The following SETD5 variants were observed in gnomAD, a reference collection of about 807,000 sequenced individuals.
The protein encoded by SETD5 is SET domain containing 5, also known as histone-lysine N-methyltransferase SETD5.
SETD5 carries 44 observed loss-of-function variants against 153.3 expected under a neutral mutation model. That is an observed-to-expected ratio of 0.29 (90% CI 0.23 to 0.37). SETD5 has a LOEUF of 0.37. SETD5 is among the 10% of genes least tolerant of loss of function. SETD5 has a pLI of 1.00. For missense variants in SETD5, 1,544 were observed against 1,768.0 expected, an observed-to-expected ratio of 0.87 and a Z score of 2.27; for synonymous variants, 716 against 645.2, an observed-to-expected ratio of 1.11 and a Z score of -1.66.
rs371515878 is a variant in SETD5 at position 9,434,369 on chromosome 3, G to A, written c.213G>A (p.Pro71=). The change falls in exon 5 of 23, where the codon CCG becomes CCA. Residue 71 remains proline, a synonymous_variant. Transcript: ENST00000402198. This position sits in a 1 kb window ranked among gnomAD's most constrained non-coding sequence, Gnocchi z 5.6. ...CTCGTTCTGACCTGAATGGCCTGCC[G>A]TCGCCTGTAGAGGAACGCTGTGGAG... The part of the protein sequence containing the change: ...IIPRSDLNGL[P]SPVEERCGDS... 1.6e-4 allele frequency: 263 copies of A among 1,613,742 alleles called. No individual in the cohort carries two copies. Among genetic ancestry groups the A allele is most frequent in the Middle Eastern group, 8.2e-4 (5 of 6,084 alleles).
Position 9,434,103 on chromosome 3 carries a change from CATT to C in SETD5, c.177+154_177+156del, listed in dbSNP as rs1450029656. The C allele has an allele frequency of 6.4e-7, 1 of 1,559,938 alleles. No homozygotes were observed. Among genetic ancestry groups the C allele is most frequent in the Non-Finnish European group, 8.7e-7 (1 of 1,154,552 alleles). ...CTCCAGCGGACGTCTAGCCCTGCAT[CATT>C]GTTCTTGTTTTTATGTCCCAGTTGA... On this transcript the variant is annotated intron_variant, in intron 4 of 22. Transcript: ENST00000402198. The surrounding 1 kb of genome is among the most constrained non-coding windows in gnomAD (Gnocchi z 5.6).
rs1156606234 is a variant in SETD5, at chr3:9,430,114, C to T, written c.71+1105C>T. 3.9e-6 allele frequency: 4 copies of T among 1,026,324 alleles called. No homozygotes were observed. The African/African-American group carries it at 6.9e-5, about 18-fold the overall frequency. The allele number at this position is 1,026,324 out of a possible 1,614,324, so 63.6% of individuals were successfully genotyped here. ...TTTCACAGTCCCTGGGGATTCTTCC[C>T]CCTTCAGCAAAGCAAAGCAACTGTA... On this transcript the variant is annotated intron_variant, in intron 3 of 22. Coordinates refer to ENST00000402198, the MANE Select transcript of SETD5 (RefSeq NM_001080517.3).
At position 9,425,055 on chromosome 3, in the gene SETD5, C is replaced by CTTTTTTTTTTTTTTTTTTTTTTTTTTTTT. The variant is rs778883904; in HGVS notation, c.-117+552_-117+553insTTTTTTTTTTTTTTTTTTTTTTTTTTTTT. Among the ~76,000 whole-genome samples, 10 of 83,642 alleles carry CTTTTTTTTTTTTTTTTTTTTTTTTTTTTT rather than the reference C, an allele frequency of 1.2e-4. 1 individual carries two copies. Among genetic ancestry groups the CTTTTTTTTTTTTTTTTTTTTTTTTTTTTT allele is most frequent in the African/African-American group, 4.9e-4 (10 of 20,436 alleles). 54.9% of individuals were successfully genotyped at this position (83,642 alleles called of 152,430 possible). A position where few individuals can be genotyped will look rare whatever the true frequency, so the allele number is the denominator to read the frequency against. Reference sequence around the variant, plus strand: ...AAATTTATAGTTACCGACAATGTTTCTTTTTTTTTTTTTTTTTTTTTTTGA... The same window carrying CTTTTTTTTTTTTTTTTTTTTTTTTTTTTT: ...AAATTTATAGTTACCGACAATGTTTCTTTTTTTTTTTTTTTTTTTTTTTTTTTTTTTTTTTTTTTTTTTTTTTTTTTTGA... On this transcript the variant is annotated intron_variant, in intron 2 of 22. Transcript: ENST00000402198.
chr3:9,446,160 G>C (rs1219181666), intron 13 of SETD5, among the ~76,000 whole-genome samples: 1 of 151,034 alleles, frequency 6.6e-6, no homozygotes, highest in Non-Finnish European at 1.5e-5. Flanking sequence ...GGTGGCGGGT[G>C]CCTGTAGTCC....
In SETD5 at chr3:9,443,316, C is replaced by T; in HGVS notation, c.1086C>T (p.His362=). 6.4e-7 allele frequency: 1 copy of T among 1,551,562 alleles called. No individual in the cohort carries two copies. The highest frequency in any genetic ancestry group is 8.7e-7 in the Non-Finnish European group (1 of 1,148,196). ...RSCTPNAEVR[H]MIADGMIHLC... is the part of the protein sequence containing the mutation. The stretch of plus-strand genomic sequence containing the variant: ...GAAGCCTTTTCACACAGGTGCGACA[C>T]ATGATTGCAGATGGGATGATTCACC... The change falls in exon 11 of 23, where the codon CAC becomes CAT. Residue 362 remains histidine, a synonymous_variant. Coordinates refer to ENST00000402198, the MANE Select transcript of SETD5 (RefSeq NM_001080517.3).
In SETD5 at chr3:9,445,489, C is replaced by T. The variant is rs553625253; in HGVS notation, c.1441-168C>T. The stretch of plus-strand genomic sequence containing the variant: ...TCAAAAACATCCTTTGCTGGTTTTG[C>T]ACCAGAGAATAGGGGTTAGTTATCA... On this transcript the variant is annotated intron_variant, in intron 12 of 22. Transcript: ENST00000402198. The T allele has an allele frequency of 5.6e-6, 5 of 894,432 alleles. No individual in the cohort carries two copies. In the South Asian group the frequency reaches 8.7e-5, roughly 16 times the overall value. 55.4% of individuals were successfully genotyped at this position (894,432 alleles called of 1,614,324 possible). A position where few individuals can be genotyped will look rare whatever the true frequency, so the allele number is the denominator to read the frequency against.
Position 9,454,260 on chromosome 3 carries a change from G to T in SETD5, c.2476+392G>T, listed in dbSNP as rs113277670. On this transcript the variant is annotated intron_variant, in intron 17 of 22. Coordinates refer to ENST00000402198, the MANE Select transcript of SETD5 (RefSeq NM_001080517.3). ...ATGGTTGAGGGAGCAGGGGATGAATGAAATAAGTGAAAAATTATTATCAAT... is the reference window on the plus strand; with the variant it reads ...ATGGTTGAGGGAGCAGGGGATGAATTAAATAAGTGAAAAATTATTATCAAT... Among the ~76,000 whole-genome samples the T allele has an allele frequency of 8.7e-3, 1,319 of 152,228 alleles. 27 individuals are homozygous for T. Among genetic ancestry groups the T allele is most frequent in the African/African-American group, 0.03 (1,238 of 41,540 alleles).
intron 3 of SETD5, among the ~76,000 whole-genome samples, chr3:9,432,601 A>G (rs1389364132): frequency 6.6e-6 from 1 of 152,218 alleles, no homozygotes; most frequent in African/African-American, 2.4e-5. Flanking sequence ...CTATTCTGCA[A>G]AGCCATACAA....
intron 7 of SETD5, chr3:9,436,947 C>G (rs1426828796): frequency 1.4e-6 from 2 of 1,468,552 alleles, no homozygotes; most frequent in Non-Finnish European, 1.9e-6. Context: ...GCATTTTGGT[C>G]AGCTTCTTTC....
intron 7 of SETD5, 65 bp downstream of exon 7, chr3:9,435,971 T>C: frequency 5.6e-6 from 8 of 1,418,184 alleles, no homozygotes; most frequent in Non-Finnish European, 7.6e-6. Flanking sequence ...GGAGCAAGAA[T>C]GCACCAAAAT....
At chr3:9,423,167 T>G (rs2038666159) in intron 1 of SETD5, 1 of 152,262 alleles carries the variant, frequency 6.6e-6, no homozygotes, top group Non-Finnish European at 1.5e-5. Context: ...CATACAGGTC[T>G]TGTGCTTTCA....
Position 9,448,462 on chromosome 3 carries a change from A to G in SETD5, c.2178A>G (p.Thr726=). The G allele has an allele frequency of 6.2e-7, 1 of 1,613,990 alleles. No individual in the cohort carries two copies. The highest frequency in any genetic ancestry group is 1.3e-5 in the African/African-American group (1 of 75,038). ...CTGTTGAGTGCCCTTTACGTATCAC[A>G]ACGGATCCAACTGTACTGGCAACGA... ...ECPVECPLRI[T]TDPTVLATTL... is the part of the protein sequence containing the mutation. Residue 726 remains threonine (T), a synonymous_variant, in exon 16 of 23, where the codon ACA becomes ACG. Transcript: ENST00000402198.
At chr3:9,461,505 T>G (rs917652319) in intron 17 of SETD5, among the ~76,000 whole-genome samples, 4 of 152,012 alleles carry the variant, frequency 2.6e-5, no homozygotes, top group Admixed American at 6.6e-5. Context: ...ATTTTTTGAG[T>G]AAAGGTGAAA....
chr3:9,452,488 G>T (rs1373999619), intron 16 of SETD5, among the ~76,000 whole-genome samples: 1 of 151,870 alleles, frequency 6.6e-6, no homozygotes, highest in African/African-American at 2.4e-5. Flanking sequence ...TTTTGTTTTT[G>T]TGTTTGCTTT....
Position 9,445,311 on chromosome 3 carries a change from CT to C in SETD5, c.1440+12del, listed in dbSNP as rs1559425935. The C allele has an allele frequency of 2.5e-6, 4 of 1,596,646 alleles. No individual in the cohort carries two copies. The highest frequency in any genetic ancestry group is 1.3e-5 in the African/African-American group (1 of 74,690). ...TCCAGTGATCATGAGGTAATCGCCC[CT>C]GGTCAAATGATGATGCTATGGCATC... On this transcript the variant is annotated intron_variant, in intron 12 of 22. Coordinates refer to ENST00000402198, the MANE Select transcript of SETD5 (RefSeq NM_001080517.3).
At position 9,428,983 on chromosome 3, in the gene SETD5, C is replaced by T; in HGVS notation, c.45C>T (p.Ser15=). ...TGGGAGTCACCACATCAGATACATCCTACTCAGATATGGCTGCTGGATCAG... is the reference window on the plus strand; with the variant it reads ...TGGGAGTCACCACATCAGATACATCTTACTCAGATATGGCTGCTGGATCAG... ...IPLGVTTSDT[S]YSDMAAGSDP... is the part of the protein sequence containing the mutation. Residue 15 remains serine, a synonymous_variant, in exon 3 of 23, where the codon TCC becomes TCT. Transcript: ENST00000402198. 1 of 1,613,142 alleles carries T rather than the reference C, an allele frequency of 6.2e-7. No homozygotes were observed. The highest frequency in any genetic ancestry group is 8.5e-7 in the Non-Finnish European group (1 of 1,179,410).
rs6147703 is a variant in SETD5, at chr3:9,437,522, C to CGTGTGTGTGT, written c.567+1635_567+1644dup. Among the ~76,000 whole-genome samples, 845 of 145,110 alleles carry CGTGTGTGTGT rather than the reference C, an allele frequency of 5.8e-3. 14 individuals are homozygous for CGTGTGTGTGT. The highest frequency in any genetic ancestry group is 0.016 in the African/African-American group (636 of 38,736). On this transcript the variant is annotated intron_variant, in intron 7 of 22. Coordinates refer to ENST00000402198, the MANE Select transcript of SETD5 (RefSeq NM_001080517.3). ...TTATGCTGTCTGGTATCCTCCTTTA[C>CGTGTGTGTGT]GTGTGTGTGTGTGTGTGTGTGTGTG...
In SETD5 at chr3:9,397,659, C is replaced by T. The variant is rs1273908351; in HGVS notation, c.-495C>T. The stretch of plus-strand genomic sequence containing the variant: ...CAGCGGGCTGAGTGAGCTGCCGCCG[C>T]CGCCGCCGCCGCCGCCGCCGCCGCC... On this transcript the variant is annotated 5_prime_UTR_variant, in exon 1 of 23. Transcript: ENST00000402198. 1 of 173,444 alleles carries T rather than the reference C, an allele frequency of 5.8e-6. No individual in the cohort carries two copies. The highest frequency in any genetic ancestry group is 1.1e-5 in the Non-Finnish European group (1 of 87,242). 10.7% of individuals were successfully genotyped at this position (173,444 alleles called of 1,614,324 possible).
intron 1 of SETD5, among the ~76,000 whole-genome samples, chr3:9,405,005 G>T (rs1207447865): frequency 1.3e-5 from 2 of 152,208 alleles, no homozygotes; most frequent in African/African-American, 4.8e-5. Context: ...GACAAAGGGG[G>T]AAAATTGGAT....
Sources: gnomAD v4.1 joint callset for allele counts (sites outside exome capture counted in the v4.1 genomes callset) on GRCh38, gnomAD v4.1.1 for gene constraint, Gnocchi (gnomAD v3.1) non-coding constraint, MANE v1.5 for transcripts, NCBI Gene and HGNC (gene_info 2026-07-23, HGNC 2026-07-21) for gene names.